ATP8A2: variants seen among roughly 807,000 people sequenced by gnomAD.
ATP8A2 encodes the protein ATPase phospholipid transporting 8A2.
ATP8A2 carries 100 observed loss-of-function variants against 165.6 expected under a neutral mutation model. That is an observed-to-expected ratio of 0.60 (90% CI 0.51 to 0.71). The LOEUF is 0.71. ATP8A2 is among the 30% of genes least tolerant of loss of function. The probability of loss-of-function intolerance (pLI) is 0.00; values close to 1 mark genes in which losing one functional copy is unlikely to be tolerated. For missense variants in ATP8A2, 1,227 were observed against 1,479.5 expected (o/e 0.83, Z 2.80); for synonymous variants, 543 against 548.8 (o/e 0.99, Z 0.15).
chr13:25,533,228 A>G (rs756978579), intron 5 of ATP8A2, 45 bp from the exon 6 acceptor site: 5 of 1,032,602 alleles, frequency 4.8e-6, no homozygotes, highest in Admixed American at 1.9e-5. Context: ...AGCTGATTCA[A>G]TTTAACACCA....
At chr13:25,535,800 G>C (rs942947612) in intron 6 of ATP8A2, among the ~76,000 whole-genome samples, 35 of 152,002 alleles carry the variant, frequency 2.3e-4, no homozygotes, top group Admixed American at 7.2e-4. Flanking sequence ...GGGTGACAGA[G>C]CGAGACCCTG....
chr13:25,592,622 CT>C (rs2040119446), intron 24 of ATP8A2, among the ~76,000 whole-genome samples: 2 of 152,100 alleles, frequency 1.3e-5, no homozygotes, highest in Non-Finnish European at 1.5e-5. Context: ...TTGAGGCTTC[CT>C]TTTTTTCTGA....
intron 14 of ATP8A2, among the ~76,000 whole-genome samples, chr13:25,559,370 T>G (rs185793418): frequency 6.6e-6 from 1 of 152,232 alleles, no homozygotes; most frequent in African/African-American, 2.4e-5. Context: ...TTGTCACTAC[T>G]AAACATACAA....
intron 25 of ATP8A2, among the ~76,000 whole-genome samples, chr13:25,756,725 A>G (rs79093927): frequency 1.4e-3 from 210 of 152,364 alleles, no homozygotes; most frequent in African/African-American, 4.7e-3. Flanking sequence ...ACAGCAGCCA[A>G]TGCGTGGAAA....
intron 35 of ATP8A2, among the ~76,000 whole-genome samples, chr13:25,991,580 A>G (rs1211298578): frequency 6.6e-6 from 1 of 152,254 alleles, no homozygotes; most frequent in Non-Finnish European, 1.5e-5. Flanking sequence ...AATGGCATAT[A>G]CATGGAATCT....
chr13:25,824,201 A>G (rs1159327999), intron 27 of ATP8A2, among the ~76,000 whole-genome samples: 1 of 152,070 alleles, frequency 6.6e-6, no homozygotes, highest in Non-Finnish European at 1.5e-5. Flanking sequence ...CAAACTCCTG[A>G]CCTTAGGTGA....
At chr13:25,627,526 G>C (rs2041132967) in intron 24 of ATP8A2, among the ~76,000 whole-genome samples, 1 of 152,154 alleles carries the variant, frequency 6.6e-6, no homozygotes, top group Non-Finnish European at 1.5e-5. Context: ...AGAAACACCT[G>C]ATCTCTCTCT....
chr13:25,607,041 G>T (rs1383044725), intron 24 of ATP8A2, among the ~76,000 whole-genome samples: 1 of 152,150 alleles, frequency 6.6e-6, no homozygotes, highest in African/African-American at 2.4e-5. Flanking sequence ...CCTCCTGTCA[G>T]ATCAGCAGTG....
intron 27 of ATP8A2, among the ~76,000 whole-genome samples, chr13:25,821,031 A>AATGCATTTGAATGCATTTGAATGCAT (rs1951167475): frequency 6.6e-6 from 1 of 152,106 alleles, no homozygotes; most frequent in Non-Finnish European, 1.5e-5. Context: ...TTGAATGCAG[A>AATGCATTTGAATGCATTTGAATGCAT]TTGAAATTGA....
intron 2 of ATP8A2, among the ~76,000 whole-genome samples, chr13:25,510,275 G>C (rs1201779398): frequency 1.3e-5 from 2 of 151,238 alleles, no homozygotes; most frequent in Non-Finnish European, 2.9e-5. Context: ...GGGTAGACAT[G>C]AATAGAGAAA....
chr13:25,486,089 T>C (rs1315912249), intron 2 of ATP8A2, among the ~76,000 whole-genome samples: 1 of 152,248 alleles, frequency 6.6e-6, no homozygotes. Context: ...TGACAGTCTT[T>C]TCCTGTGTCT....
At position 25,574,893 on chromosome 13, in the gene ATP8A2, T is replaced by C; in HGVS notation, c.1712+36T>C. ...CTTTCATACGTTTGAAATAAAATAA[T>C]TATATTTATTTACCAGCTTCATCAG... On this transcript the variant is annotated intron_variant, in intron 19 of 36. Coordinates refer to ENST00000381655, the MANE Select transcript of ATP8A2 (RefSeq NM_016529.6). 4.3e-6 allele frequency: 5 copies of C among 1,165,854 alleles called. No homozygotes were observed. In the South Asian group the frequency reaches 6.4e-5, roughly 15 times the overall value. The allele number at this position is 1,165,854 out of a possible 1,614,324, so 72.2% of individuals were successfully genotyped here. A position where few individuals can be genotyped will look rare whatever the true frequency, so the allele number is the denominator to read the frequency against.
At chr13:25,697,380 A>G (rs926804615) in intron 24 of ATP8A2, among the ~76,000 whole-genome samples, 2 of 152,134 alleles carry the variant, frequency 1.3e-5, no homozygotes, top group African/African-American at 4.8e-5. Context: ...CCCAGGTTCA[A>G]TTGATTCTCC....
intron 24 of ATP8A2, among the ~76,000 whole-genome samples, chr13:25,672,194 G>A (rs1178454040): frequency 6.6e-6 from 1 of 152,076 alleles, no homozygotes; most frequent in Non-Finnish European, 1.5e-5. Context: ...TTTGTTCGGG[G>A]GGCCTATCTG....
chr13:25,860,545 T>G (rs1320758627), intron 31 of ATP8A2, among the ~76,000 whole-genome samples: 2 of 152,132 alleles, frequency 1.3e-5, no homozygotes, highest in African/African-American at 4.8e-5. Flanking sequence ...GAAGGTGGTA[T>G]CTCCCAAGCT....
intron 25 of ATP8A2, among the ~76,000 whole-genome samples, chr13:25,715,991 T>G (rs1246553632): frequency 6.6e-6 from 1 of 152,194 alleles, no homozygotes; most frequent in Non-Finnish European, 1.5e-5. Flanking sequence ...GCCAAAACTT[T>G]CCTTTTTTAA....
At chr13:25,431,241 C>T (rs975903175) in intron 1 of ATP8A2, among the ~76,000 whole-genome samples, 1 of 152,124 alleles carries the variant, frequency 6.6e-6, no homozygotes, top group African/African-American at 2.4e-5. Flanking sequence ...CCTCCGCCTC[C>T]CAGATTCAAG....
intron 25 of ATP8A2, 52 bp downstream of exon 25, chr13:25,699,397 G>A (rs778191189): frequency 4.0e-5 from 55 of 1,373,334 alleles, no homozygotes; most frequent in Middle Eastern, 3.8e-4. Flanking sequence ...TCTGTATCCC[G>A]TGCTTATACA....
At chr13:25,898,381 C>T (rs1953628345) in intron 33 of ATP8A2, among the ~76,000 whole-genome samples, 1 of 152,180 alleles carries the variant, frequency 6.6e-6, no homozygotes, top group Admixed American at 6.5e-5. Context: ...GATTGTTCTT[C>T]TGGAAGTTTT....
Sources: gnomAD v4.1 joint callset for allele counts (sites outside exome capture counted in the v4.1 genomes callset) on GRCh38, gnomAD v4.1.1 for gene constraint, MANE v1.5 for transcripts, NCBI Gene and HGNC (gene_info 2026-07-23, HGNC 2026-07-21) for gene names.